SLC24A2: variants seen among roughly 807,000 people sequenced by gnomAD.
SLC24A2 encodes solute carrier family 24 member 2.
In SLC24A2, 36 loss-of-function variants were observed where a neutral mutation model predicts 62.0. The ratio of observed to expected loss-of-function variants is 0.58; its 90% CI spans 0.44 to 0.77. The LOEUF is 0.77. Ranked by LOEUF, SLC24A2 falls within the 30% of genes least tolerant of loss-of-function variation. The pLI, the probability that SLC24A2 is intolerant of heterozygous loss-of-function variation, is 0.00. For missense variants in SLC24A2, 846 were observed against 817.9 expected (o/e 1.03, Z -0.42); for synonymous variants, 358 against 294.0 (o/e 1.22, Z -2.23).
At chr9:19,990,351 C>T in the SLC24A2 span, among the ~76,000 whole-genome samples, 1 of 152,144 alleles carries the variant, frequency 6.6e-6, no homozygotes, top group East Asian at 1.9e-4. Context: ...GTGGCTCGTA[C>T]CTCTAATCCC....
the SLC24A2 span, among the ~76,000 whole-genome samples, chr9:19,876,249 T>G: frequency 6.6e-6 from 1 of 152,174 alleles, no homozygotes; most frequent in Non-Finnish European, 1.5e-5. Flanking sequence ...AAGACATCAT[T>G]ACATGAATTA....
the SLC24A2 span, among the ~76,000 whole-genome samples, chr9:19,839,139 A>G: frequency 6.6e-6 from 1 of 152,264 alleles, no homozygotes. Flanking sequence ...CACATGAAAA[A>G]ATGCTCATCA....
At chr9:19,559,380 A>T (rs1199738271) in intron 7 of SLC24A2, among the ~76,000 whole-genome samples, 6 of 152,234 alleles carry the variant, frequency 3.9e-5, no homozygotes, top group Admixed American at 1.3e-4. Flanking sequence ...GAATAAATAG[A>T]AAGCCTTTGT....
the SLC24A2 span, among the ~76,000 whole-genome samples, chr9:19,979,606 T>G: frequency 6.6e-6 from 1 of 152,172 alleles, no homozygotes; most frequent in East Asian, 1.9e-4. Flanking sequence ...ATTCCATCAT[T>G]CTCTAGCATC....
At chr9:19,834,148 A>C in the SLC24A2 span, among the ~76,000 whole-genome samples, 4 of 152,172 alleles carry the variant, frequency 2.6e-5, no homozygotes, top group Non-Finnish European at 5.9e-5. Context: ...GAAAAACTGG[A>C]AACTCTAAAA....
intron 8 of SLC24A2, among the ~76,000 whole-genome samples, chr9:19,530,607 A>C (rs188790357): frequency 6.6e-6 from 1 of 152,212 alleles, no homozygotes; most frequent in African/African-American, 2.4e-5. Context: ...CCTAGCCAAA[A>C]GGTATAAAGC....
intron 5 of SLC24A2, among the ~76,000 whole-genome samples, chr9:19,592,534 C>G (rs1430310424): frequency 1.3e-5 from 2 of 151,874 alleles, no homozygotes; most frequent in East Asian, 1.9e-4. Flanking sequence ...ACCTACCTAC[C>G]TACCTACCTA....
chr9:19,737,987 G>C (rs564438782), intron 2 of SLC24A2, among the ~76,000 whole-genome samples: 10 of 152,168 alleles, frequency 6.6e-5, no homozygotes, highest in African/African-American at 2.4e-4. Flanking sequence ...ATATTGCTCA[G>C]ATGGCATACA....
At chr9:20,042,008 A>G in the SLC24A2 span, among the ~76,000 whole-genome samples, 1 of 152,144 alleles carries the variant, frequency 6.6e-6, no homozygotes, top group Non-Finnish European at 1.5e-5. Context: ...AAAGGAGAAG[A>G]GTCTGGCACC....
the SLC24A2 span, among the ~76,000 whole-genome samples, chr9:20,073,009 T>C: frequency 1.3e-5 from 2 of 152,202 alleles, no homozygotes; most frequent in African/African-American, 4.8e-5. Context: ...CCCCACTCAC[T>C]AGATTAAGAT....
rs947928833 is a variant in SLC24A2, at chr9:19,711,788, T to C, written c.930+74149A>G. Among the ~76,000 whole-genome samples the C allele has an allele frequency of 5.9e-5, 9 of 152,270 alleles. No homozygotes were observed. The South Asian group carries it at 1.2e-3, about 21-fold the overall frequency. On this transcript the variant is annotated intron_variant, in intron 2 of 10. Transcript: ENST00000341998. Reference sequence around the variant, plus strand: ...TCATACCTTAGAACAAAATCTCTGTTGTGTAGGCAGAAAAGCAAAATAGAA... The same window carrying C: ...TCATACCTTAGAACAAAATCTCTGTCGTGTAGGCAGAAAAGCAAAATAGAA...
At chr9:20,302,592 T>C in the SLC24A2 span, among the ~76,000 whole-genome samples, 3 of 152,338 alleles carry the variant, frequency 2.0e-5, no homozygotes, top group African/African-American at 4.8e-5. Context: ...CATATTTTGG[T>C]GTTGAGTTTT....
At chr9:19,662,730 A>T (rs937965286) in intron 2 of SLC24A2, among the ~76,000 whole-genome samples, 1 of 152,024 alleles carries the variant, frequency 6.6e-6, no homozygotes, top group Non-Finnish European at 1.5e-5. Context: ...GAAAAGTAAC[A>T]CCTGTTTTCA....
At chr9:19,808,663 A>C in the SLC24A2 span, among the ~76,000 whole-genome samples, 2 of 152,174 alleles carry the variant, frequency 1.3e-5, no homozygotes, top group Non-Finnish European at 1.5e-5. The surrounding 1 kb of genome is among the most constrained non-coding windows in gnomAD (Gnocchi z 4.1). Context: ...TTGGTTGAGC[A>C]CTATGGGGTT....
intron 2 of SLC24A2, among the ~76,000 whole-genome samples, chr9:19,703,908 T>G (rs547498861): frequency 5.3e-5 from 8 of 152,238 alleles, no homozygotes; most frequent in Non-Finnish European, 1.5e-5. Flanking sequence ...CTCAGCAAAC[T>G]ATCTACAGGA....
chr9:19,532,090 ATTTG>A lies in SLC24A2; in HGVS notation c.1480-3956_1480-3953del, dbSNP rs371581029. ...ATCATCCCATATACTTTATTTATTT[ATTTG>A]TTTGTTTGACAGAGTTTCCCTGTTG... On this transcript the variant is annotated intron_variant, in intron 8 of 10. Transcript: ENST00000341998. 3.5e-3 allele frequency among the ~76,000 whole-genome samples: 529 copies of A among 151,940 alleles called. 3 individuals are homozygous for A. Among genetic ancestry groups the A allele is most frequent in the African/African-American group, 0.012 (511 of 41,444 alleles).
the SLC24A2 span, among the ~76,000 whole-genome samples, chr9:19,951,468 C>T: frequency 6.2e-3 from 935 of 152,014 alleles, 5 homozygotes; most frequent in Non-Finnish European, 0.011. Flanking sequence ...CCCCTTTTTT[C>T]TCTAGAATAT....
the SLC24A2 span, among the ~76,000 whole-genome samples, chr9:19,866,859 A>C: frequency 6.6e-6 from 1 of 151,978 alleles, no homozygotes; most frequent in Non-Finnish European, 1.5e-5. Context: ...TCTAAAAATC[A>C]AAACAATTGA....
the SLC24A2 span, among the ~76,000 whole-genome samples, chr9:20,224,526 G>C: frequency 6.6e-6 from 1 of 152,086 alleles, no homozygotes; most frequent in Non-Finnish European, 1.5e-5. Context: ...AACTGCTTTA[G>C]GAGCCATTTG....
Sources: allele counts gnomAD v4.1 joint callset (sites outside exome capture counted in the v4.1 genomes callset), GRCh38; gene constraint gnomAD v4.1.1; non-coding constraint Gnocchi (gnomAD v3.1); transcripts MANE v1.5; gene names NCBI Gene and HGNC (gene_info 2026-07-23, HGNC 2026-07-21).